The following CACNA1E variants were observed in gnomAD, a reference collection of about 807,000 sequenced individuals.
The protein encoded by CACNA1E is voltage-dependent R-type calcium channel subunit alpha-1E.
A neutral mutation model predicts 259.2 loss-of-function variants in CACNA1E; 40 were observed. The observed-to-expected ratio is 0.15, with a 90% CI of 0.12 to 0.20. The LOEUF (loss-of-function observed/expected upper bound fraction) is 0.20. Ranked by LOEUF, CACNA1E falls within the 10% of genes least tolerant of loss-of-function variation. CACNA1E has a pLI of 1.00. For synonymous variants in CACNA1E, 1,104 were observed against 1,138.5 expected, an observed-to-expected ratio of 0.97 and a Z score of 0.61; for missense variants, 1,874 against 3,040.1, an observed-to-expected ratio of 0.62 and a Z score of 9.02.
intron 3 of CACNA1E, among the ~76,000 whole-genome samples, chr1:181,546,227 G>T (rs1485198606): frequency 6.6e-6 from 1 of 152,170 alleles, no homozygotes; most frequent in African/African-American, 2.4e-5. Context: ...CAAGAGGGAG[G>T]CTGGAAGAGA....
chr1:181,467,346 C>T (rs1662213721), intron 2 of CACNA1E, among the ~76,000 whole-genome samples: 1 of 152,152 alleles, frequency 6.6e-6, no homozygotes, highest in Admixed American at 6.5e-5. Context: ...GATGAGGGTA[C>T]ACAGGGTTGA....
chr1:181,438,271 A>C (rs1660223075), intron 2 of CACNA1E, among the ~76,000 whole-genome samples: 1 of 152,196 alleles, frequency 6.6e-6, no homozygotes, highest in South Asian at 2.1e-4. Context: ...TTTTGGTCTC[A>C]TAATGGCTCT....
At position 181,394,523 on chromosome 1, in the gene CACNA1E, T is replaced by G. The variant is rs180822517; in HGVS notation, c.-14-18610T>G. ...ACATAGATACCGGCCCTTTTCTAGT[T>G]TAGATTTTAGCAGGGAAAGATAGAC... is the stretch of plus-strand genomic sequence containing the variant. On this transcript the variant is annotated intron_variant, in intron 1 of 11. Coordinates refer to the CACNA1E transcript ENST00000524607. Among the ~76,000 whole-genome samples the G allele has an allele frequency of 5.0e-3, 755 of 152,238 alleles. 1 individual carries two copies. The highest frequency in any genetic ancestry group is 8.1e-3 in the Non-Finnish European group (554 of 67,998).
At chr1:181,688,810 C>A (rs755250927) in intron 7 of CACNA1E, among the ~76,000 whole-genome samples, 1 of 152,172 alleles carries the variant, frequency 6.6e-6, no homozygotes, top group Non-Finnish European at 1.5e-5. Flanking sequence ...CCTTCCCACT[C>A]CAGCACCTGG....
intron 2 of CACNA1E, among the ~76,000 whole-genome samples, chr1:181,430,043 C>T (rs1659607830): frequency 6.6e-6 from 1 of 152,180 alleles, no homozygotes; most frequent in South Asian, 2.1e-4. Flanking sequence ...CTGAGATCAT[C>T]TGATGACCTC....
At chr1:181,537,051 A>G (rs1001488852) in intron 3 of CACNA1E, among the ~76,000 whole-genome samples, 1 of 149,412 alleles carries the variant, frequency 6.7e-6, no homozygotes, top group Non-Finnish European at 1.5e-5. Context: ...TAGAGTGGTC[A>G]TATTCTCTTC....
chr1:181,479,611 A>G (rs1384698213), upstream of CACNA1E, among the ~76,000 whole-genome samples: 1 of 152,186 alleles, frequency 6.6e-6, no homozygotes, highest in Non-Finnish European at 1.5e-5. Flanking sequence ...ATCCTCCTGG[A>G]TATTGAGGGC....
At chr1:181,630,465 A>G (rs188047983) in intron 6 of CACNA1E, among the ~76,000 whole-genome samples, 347 of 151,566 alleles carry the variant, frequency 2.3e-3, no homozygotes, top group Non-Finnish European at 3.8e-3. Context: ...TTTGTCAATT[A>G]CTTCACACTG....
intron 43 of CACNA1E, among the ~76,000 whole-genome samples, chr1:181,787,269 G>A (rs915990195): frequency 1.3e-5 from 2 of 151,976 alleles, no homozygotes; most frequent in Non-Finnish European, 2.9e-5. Context: ...ACAGGCACCC[G>A]CCACTATGCC....
intron 1 of CACNA1E, among the ~76,000 whole-genome samples, chr1:181,352,717 C>T (rs1653128604): frequency 6.6e-6 from 1 of 152,034 alleles, no homozygotes; most frequent in East Asian, 1.9e-4. Context: ...AATTGCTTGC[C>T]TGGTTTGTGG....
intron 7 of CACNA1E, among the ~76,000 whole-genome samples, chr1:181,672,011 T>G (rs1016461523): frequency 1.3e-5 from 2 of 152,112 alleles, no homozygotes; most frequent in Non-Finnish European, 2.9e-5. Context: ...ACAGATTGGA[T>G]AAAGAAAATG....
chr1:181,391,945 C>CTGTGTGTGTGTGTGTGTG (rs201388697), intron 1 of CACNA1E, among the ~76,000 whole-genome samples: 1 of 118,192 alleles, frequency 8.5e-6, no homozygotes, highest in African/African-American at 3.9e-5. Flanking sequence ...CTCTCTCTCT[C>CTGTGTGTGTGTGTGTGTG]TGTGTGTGTG....
chr1:181,565,793 C>G (rs1273151455), intron 3 of CACNA1E, among the ~76,000 whole-genome samples: 3 of 152,078 alleles, frequency 2.0e-5, no homozygotes, highest in African/African-American at 7.2e-5. Flanking sequence ...GGGTGTGGCT[C>G]CCACATGGAT....
At chr1:181,568,050 A>G (rs915504151) in intron 3 of CACNA1E, among the ~76,000 whole-genome samples, 1 of 152,120 alleles carries the variant, frequency 6.6e-6, no homozygotes, top group African/African-American at 2.4e-5. Flanking sequence ...ACCACTTTAT[A>G]TGCTTTTACC....
intron 2 of CACNA1E, among the ~76,000 whole-genome samples, chr1:181,419,053 G>T (rs1658509822): frequency 1.3e-5 from 2 of 151,984 alleles, no homozygotes; most frequent in Admixed American, 6.6e-5. Flanking sequence ...GCCCCTCCCT[G>T]CTAGACTCTG....
chr1:181,375,237 A>G (rs977351889), intron 1 of CACNA1E, among the ~76,000 whole-genome samples: 3 of 152,354 alleles, frequency 2.0e-5, no homozygotes, highest in African/African-American at 7.2e-5. Flanking sequence ...TTAGTGATGC[A>G]TTAGACAAAT....
chr1:181,412,967 G>A (rs960589061), intron 1 of CACNA1E, among the ~76,000 whole-genome samples: 2 of 152,218 alleles, frequency 1.3e-5, no homozygotes, highest in African/African-American at 2.4e-5. Flanking sequence ...GTGCCAGTTT[G>A]TGGGTCAGGC....
At chr1:181,677,386 T>G (rs1175622106) in intron 7 of CACNA1E, among the ~76,000 whole-genome samples, 2 of 152,180 alleles carry the variant, frequency 1.3e-5, no homozygotes, top group East Asian at 3.8e-4. Flanking sequence ...TAGAAAGTCT[T>G]TTCCCCCTTT....
chr1:181,725,060 T>C (rs932968318), intron 17 of CACNA1E, among the ~76,000 whole-genome samples: 2 of 152,218 alleles, frequency 1.3e-5, no homozygotes, highest in African/African-American at 4.8e-5. Context: ...CCTTCTTTTC[T>C]CTGATTAATT....
Sources: gnomAD v4.1 joint callset for allele counts (sites outside exome capture counted in the v4.1 genomes callset) on GRCh38, gnomAD v4.1.1 for gene constraint, MANE v1.5 for transcripts, NCBI Gene and HGNC (gene_info 2026-07-23, HGNC 2026-07-21) for gene names.